Variants in GRM5 observed in about 807,000 individuals in gnomAD.
GRM5 encodes the protein glutamate metabotropic receptor 5, also known as metabotropic glutamate receptor 5.
In GRM5, 19 loss-of-function variants were observed where a neutral mutation model predicts 83.1. The observed-to-expected ratio is 0.23, with a 90% CI of 0.16 to 0.34. GRM5 has a LOEUF of 0.34. Ranked by LOEUF, GRM5 falls within the 10% of genes least tolerant of loss-of-function variation. GRM5 has a pLI of 1.00. For missense variants in GRM5, 1,160 were observed against 1,588.3 expected, an observed-to-expected ratio of 0.73 and a Z score of 4.58; for synonymous variants, 675 against 633.6, an observed-to-expected ratio of 1.07 and a Z score of -0.98.
At position 88,942,627 on chromosome 11, in the gene GRM5, A is replaced by G. The variant is rs139212516; in HGVS notation, c.662-92472T>C. Among the ~76,000 whole-genome samples, 776 of 152,070 alleles carry G rather than the reference A, an allele frequency of 5.1e-3. 5 individuals are homozygous for G. Among genetic ancestry groups the G allele is most frequent in the African/African-American group, 0.018 (741 of 41,518 alleles). ...ACACAAGAATACTTTCAATGGTTCT[A>G]TTGCCCTATGGGAAAACTTTTAAGC... On this transcript the variant is annotated intron_variant, in intron 2 of 9. Transcript: ENST00000305447.
At chr11:88,771,628 C>G (rs577221887) in intron 3 of GRM5, among the ~76,000 whole-genome samples, 1 of 152,190 alleles carries the variant, frequency 6.6e-6, no homozygotes, top group South Asian at 2.1e-4. Flanking sequence ...CCTCTCCAGT[C>G]CACTGACTCA....
At chr11:88,710,206 G>T (rs990360890) in intron 3 of GRM5, among the ~76,000 whole-genome samples, 1 of 152,212 alleles carries the variant, frequency 6.6e-6, no homozygotes, top group South Asian at 2.1e-4. Context: ...GTTCACCACA[G>T]AAAGTGTTGC....
intron 3 of GRM5, among the ~76,000 whole-genome samples, chr11:88,672,769 A>T (rs1940225301): frequency 6.6e-6 from 1 of 152,040 alleles, no homozygotes; most frequent in African/African-American, 2.4e-5. Flanking sequence ...ATAAAAAGAC[A>T]TTGCTAATAA....
chr11:88,780,044 AT>A (rs1942942600), intron 3 of GRM5, among the ~76,000 whole-genome samples: 1 of 152,050 alleles, frequency 6.6e-6, no homozygotes, highest in South Asian at 2.1e-4. Flanking sequence ...AGTCTGACTA[AT>A]TTTTCAGATC....
chr11:88,961,247 T>A (rs534343733), intron 2 of GRM5, among the ~76,000 whole-genome samples: 2 of 152,198 alleles, frequency 1.3e-5, no homozygotes, highest in Non-Finnish European at 2.9e-5. Flanking sequence ...GTTCTTAGCA[T>A]CTAGACAGGT....
At chr11:88,707,189 A>G (rs905533821) in intron 3 of GRM5, among the ~76,000 whole-genome samples, 1 of 152,068 alleles carries the variant, frequency 6.6e-6, no homozygotes, top group African/African-American at 2.4e-5. Context: ...TGGATGGATT[A>G]CTTAACTGTG....
chr11:88,905,488 C>T (rs1320904119), intron 2 of GRM5, among the ~76,000 whole-genome samples: 1 of 151,960 alleles, frequency 6.6e-6, no homozygotes, highest in Non-Finnish European at 1.5e-5. Flanking sequence ...ATTATGGGTG[C>T]CCATCATTAC....
At chr11:88,936,873 C>A (rs556526323) in intron 2 of GRM5, among the ~76,000 whole-genome samples, 1 of 151,610 alleles carries the variant, frequency 6.6e-6, no homozygotes, top group African/African-American at 2.4e-5. Context: ...AGGAGCAAAG[C>A]CTGGACATAG....
At chr11:88,645,001 T>C (rs1939399735) in intron 4 of GRM5, among the ~76,000 whole-genome samples, 1 of 152,096 alleles carries the variant, frequency 6.6e-6, no homozygotes, top group Non-Finnish European at 1.5e-5. Context: ...AGCATTAATG[T>C]AAAGAAGTTC....
intron 3 of GRM5, among the ~76,000 whole-genome samples, chr11:88,730,510 A>G (rs1941784097): frequency 6.6e-6 from 1 of 152,174 alleles, no homozygotes; most frequent in Non-Finnish European, 1.5e-5. Flanking sequence ...CAGCAATCCC[A>G]TTACTGGGTA....
chr11:88,516,188 G>T (rs1179695108), intron 9 of GRM5, among the ~76,000 whole-genome samples: 1 of 152,162 alleles, frequency 6.6e-6, no homozygotes, highest in African/African-American at 2.4e-5. Flanking sequence ...GATCTTGAAT[G>T]TTTGATATTG....
At chr11:88,950,351 AGTGTGTGTGTGTGT>A (rs55646353) in intron 2 of GRM5, among the ~76,000 whole-genome samples, 11 of 147,394 alleles carry the variant, frequency 7.5e-5, no homozygotes, top group Non-Finnish European at 1.3e-4. Flanking sequence ...TTGTGAGATA[AGTGTGTGTGTGTGT>A]GTGTGTGTGT....
rs142280931 is a variant in GRM5 at position 88,702,158 on chromosome 11, C to A, written c.912-48755G>T. On this transcript the variant is annotated intron_variant, in intron 3 of 9. Transcript: ENST00000305447. ...GTTAGGATTTCATTTTTAGTTTACA[C>A]ACTATCTAGTTACTATGAAGTAACT... Among the ~76,000 whole-genome samples, 16 of 152,154 alleles carry A rather than the reference C, an allele frequency of 1.1e-4. No homozygotes were observed. The East Asian group carries it at 3.1e-3, about 29-fold the overall frequency.
intron 8 of GRM5, among the ~76,000 whole-genome samples, chr11:88,560,680 C>T (rs1324494145): frequency 2.0e-5 from 3 of 152,160 alleles, no homozygotes; most frequent in African/African-American, 7.2e-5. Flanking sequence ...GATCTCTAAT[C>T]CACCTGTCCT....
intron 3 of GRM5, among the ~76,000 whole-genome samples, chr11:88,838,084 C>CAAAAAAAAAAAAAAAA (rs1157680177): frequency 1.8e-5 from 1 of 55,448 alleles, no homozygotes; most frequent in African/African-American, 6.0e-5. Flanking sequence ...GACTCCATCT[C>CAAAAAAAAAAAAAAAA]AAAAAAAAAA....
intron 8 of GRM5, among the ~76,000 whole-genome samples, chr11:88,534,262 G>A (rs999468800): frequency 3.3e-5 from 5 of 152,158 alleles, no homozygotes; most frequent in South Asian, 2.1e-4. Flanking sequence ...ATCCACTGAC[G>A]ACTTGCACTG....
At chr11:89,017,151 T>C (rs1350282032) in intron 2 of GRM5, among the ~76,000 whole-genome samples, 1 of 152,128 alleles carries the variant, frequency 6.6e-6, no homozygotes, top group African/African-American at 2.4e-5. Flanking sequence ...AACGTTTGAC[T>C]CCACTAAAAA....
intron 2 of GRM5, among the ~76,000 whole-genome samples, chr11:88,955,125 G>A (rs1352216050): frequency 6.6e-6 from 1 of 152,086 alleles, no homozygotes; most frequent in East Asian, 1.9e-4. Flanking sequence ...GTAATTTTGT[G>A]TTGTTTGTAT....
intron 2 of GRM5, among the ~76,000 whole-genome samples, chr11:89,045,437 G>GA (rs764500471): frequency 1.3e-5 from 2 of 151,786 alleles, no homozygotes; most frequent in Non-Finnish European, 2.9e-5. Context: ...ACCCCTTTTA[G>GA]AAAAAATAAA....
Sources: gnomAD v4.1 joint callset for allele counts (sites outside exome capture counted in the v4.1 genomes callset) on GRCh38, gnomAD v4.1.1 for gene constraint, MANE v1.5 for transcripts, NCBI Gene and HGNC (gene_info 2026-07-23, HGNC 2026-07-21) for gene names.